Variants in CENPE observed in about 807,000 individuals in gnomAD.
CENPE encodes centromere-associated protein E.
A neutral mutation model predicts 336.1 loss-of-function variants in CENPE; 145 were observed. That is an observed-to-expected ratio of 0.43 (90% CI 0.38 to 0.50). The LOEUF is 0.50. Among genes scored for constraint, CENPE ranks in the 20% least tolerant of loss-of-function variants. The probability of loss-of-function intolerance (pLI) is 0.00; values close to 1 mark genes in which losing one functional copy is unlikely to be tolerated. For missense variants in CENPE, 2,719 were observed against 3,023.3 expected (o/e 0.90, Z 2.36); for synonymous variants, 1,013 against 984.8 (o/e 1.03, Z -0.54).
chr4:103,144,463 A>C lies in CENPE; in HGVS notation c.5013T>G (p.Thr1671=). The C allele has an allele frequency of 6.2e-7, 1 of 1,614,030 alleles. No homozygotes were observed. The highest frequency in any genetic ancestry group is 2.2e-5 in the East Asian group (1 of 44,868). ...CTTCAAGGTTTTCATGTAGTATCTG[A>C]GTCAACCTTATATTCTCCGTTTCTA... The part of the protein sequence containing the change: ...ENIETENIRL[T]QILHENLEEM... The change falls in exon 33 of 49, where the codon ACT becomes ACG. Residue 1671 remains threonine (T), a synonymous_variant. Coordinates refer to ENST00000265148, the MANE Select transcript of CENPE (RefSeq NM_001813.3).
chr4:103,195,254 T>A, intron 4 of CENPE, 21 bp from the exon 5 acceptor site: 1 of 1,561,978 alleles, frequency 6.4e-7, no homozygotes, highest in East Asian at 2.3e-5. Flanking sequence ...AAAAATTATA[T>A]AAAAACACCA....
At chr4:103,125,586 C>T (rs753911319) in intron 42 of CENPE, among the ~76,000 whole-genome samples, 25 of 151,944 alleles carry the variant, frequency 1.6e-4, no homozygotes, top group African/African-American at 2.7e-4. Flanking sequence ...CAGTCCAGGA[C>T]GGGTGCAGTG....
chr4:103,106,882 A>G (rs1378094903), intron 48 of CENPE, among the ~76,000 whole-genome samples: 1 of 152,136 alleles, frequency 6.6e-6, no homozygotes, highest in Non-Finnish European at 1.5e-5. Context: ...TTTTTTAAAG[A>G]CTGGTATTAA....
chr4:103,112,431 T>A, intron 46 of CENPE, among the ~76,000 whole-genome samples: 1 of 139,958 alleles, frequency 7.1e-6, no homozygotes, highest in South Asian at 2.3e-4. Context: ...ACTTATATAC[T>A]TATACATACA....
intron 8 of CENPE, among the ~76,000 whole-genome samples, chr4:103,192,456 G>A (rs1438257668): frequency 2.6e-5 from 4 of 152,156 alleles, no homozygotes; most frequent in African/African-American, 4.8e-5. Context: ...TAGTATATTC[G>A]AAATCCTTAT....
intron 26 of CENPE, among the ~76,000 whole-genome samples, 185 bp from the exon 27 acceptor site, chr4:103,149,593 C>T (rs952993630): frequency 1.3e-5 from 2 of 152,120 alleles, no homozygotes; most frequent in African/African-American, 4.8e-5. Context: ...TTCATGTCTC[C>T]CAGGAACCTC....
At chr4:103,141,253 A>T in intron 35 of CENPE, 149 bp from the exon 36 acceptor site, 1 of 571,836 alleles carries the variant, frequency 1.7e-6, no homozygotes. Context: ...CTTTTGAGGT[A>T]TAATATATAT....
At chr4:103,184,696 TCA>T (rs1182168107) in intron 9 of CENPE, among the ~76,000 whole-genome samples, 1 of 152,212 alleles carries the variant, frequency 6.6e-6, no homozygotes, top group Non-Finnish European at 1.5e-5. Flanking sequence ...GGCTGACAAT[TCA>T]CACAGTTTTA....
intron 34 of CENPE, 70 bp from the exon 35 acceptor site, chr4:103,141,978 T>C: frequency 1.0e-6 from 1 of 971,244 alleles, no homozygotes; most frequent in Non-Finnish European, 1.5e-6. Flanking sequence ...TAAAGTGATA[T>C]ATTTTCTTAG....
chr4:103,161,383 T>C lies in CENPE; in HGVS notation c.1917A>G (p.Arg639=). The change falls in exon 19 of 49, where the codon AGA becomes AGG. Residue 639 remains arginine (R), a synonymous_variant. Coordinates refer to ENST00000265148, the MANE Select transcript of CENPE (RefSeq NM_001813.3). The stretch of plus-strand genomic sequence containing the variant: ...TTTCACTTCTAAGAAAGGCTGATTC[T>C]CTCTTGGCATCAAGGGCTACAGTTT... The part of the protein sequence containing the change: ...DAETVALDAK[R]ESAFLRSENL... 1 of 1,612,442 alleles carries C rather than the reference T, an allele frequency of 6.2e-7. No homozygotes were observed. Among genetic ancestry groups the C allele is most frequent in the Non-Finnish European group, 8.5e-7 (1 of 1,179,238 alleles).
chr4:103,164,652 AATCT>A, intron 16 of CENPE, among the ~76,000 whole-genome samples: 1 of 152,260 alleles, frequency 6.6e-6, no homozygotes, highest in South Asian at 2.1e-4. Context: ...TTCTTCAGGT[AATCT>A]ATCCAACATG....
chr4:103,139,776 ACT>A lies in CENPE; in HGVS notation c.6204+11_6204+12del, dbSNP rs1752379437. On this transcript the variant is annotated intron_variant, in intron 38 of 48. Transcript: ENST00000265148. ...ATTAATAGTTACTACACAAAGGAAG[ACT>A]CTGAACTCACTCTAGCTATCATTTC... 1.3e-6 allele frequency: 2 copies of A among 1,586,894 alleles called. No individual in the cohort carries two copies. Among genetic ancestry groups the A allele is most frequent in the African/African-American group, 1.4e-5 (1 of 73,444 alleles).
At chr4:103,146,186 A>G in intron 29 of CENPE, 79 bp from the exon 30 acceptor site, 2 of 1,332,076 alleles carry the variant, frequency 1.5e-6, no homozygotes, top group Non-Finnish European at 2.1e-6. Flanking sequence ...GATGCTTTCT[A>G]AAACAATTAA....
chr4:103,180,806 T>C lies in CENPE; in HGVS notation c.1084-337A>G, dbSNP rs148812079. Among the ~76,000 whole-genome samples, 113 of 152,284 alleles carry C rather than the reference T, an allele frequency of 7.4e-4. 1 individual carries two copies. In the East Asian group the frequency reaches 0.011, roughly 15 times the overall value. On this transcript the variant is annotated intron_variant, in intron 12 of 48. Coordinates refer to ENST00000265148, the MANE Select transcript of CENPE (RefSeq NM_001813.3). ...AAGACTTGAATTCTGATAGTAAAGA[T>C]AGAGATGTTCTCATAAGATTACCAT...
At chr4:103,176,557 T>G (rs932655838) in intron 14 of CENPE, among the ~76,000 whole-genome samples, 2 of 152,016 alleles carry the variant, frequency 1.3e-5, no homozygotes, top group African/African-American at 4.8e-5. Context: ...TACTTTCTAT[T>G]TATTTATTTA....
intron 47 of CENPE, among the ~76,000 whole-genome samples, chr4:103,109,480 TAA>T: frequency 6.6e-6 from 1 of 152,292 alleles, no homozygotes; most frequent in East Asian, 1.9e-4. Flanking sequence ...TTTCTTACTG[TAA>T]AATAAATATT....
Position 103,195,155 on chromosome 4 carries a change from T to A in CENPE, c.436A>T (p.Thr146Ser), listed in dbSNP as rs199542061. 3.6e-5 allele frequency: 58 copies of A among 1,593,516 alleles called. No individual in the cohort carries two copies. Among genetic ancestry groups the A allele is most frequent in the Non-Finnish European group, 4.9e-5 (57 of 1,173,530 alleles). ...NETITDLLCG[T>S]QKMKPLIIRE... ...ATAATTAAAGGTTTCATTTTTTGAG[T>A]GCCACAGAGTAAATCTGTAATGGTT... The change falls in exon 5 of 49, where the codon ACT (threonine) becomes TCT (serine). Residue 146 changes from threonine to serine, a missense_variant. Physicochemically the swap from Thr to Ser is moderately conservative, Grantham distance 58. This residue lies in a region of CENPE where 106 missense variants were observed against 189.3 expected (regional missense o/e 0.56). Transcript: ENST00000265148.
chr4:103,150,387 G>A (rs1356471611), intron 26 of CENPE, among the ~76,000 whole-genome samples: 2 of 152,146 alleles, frequency 1.3e-5, no homozygotes, highest in Non-Finnish European at 2.9e-5. Context: ...TTTGAGACCA[G>A]CCTGGGCAAC....
chr4:103,119,752 A>G (rs1376016544), intron 44 of CENPE, among the ~76,000 whole-genome samples: 1 of 152,152 alleles, frequency 6.6e-6, no homozygotes, highest in Non-Finnish European at 1.5e-5. Flanking sequence ...CTTCCCCCCA[A>G]AACAGGTCAG....
Sources: gnomAD v4.1 joint callset for allele counts (sites outside exome capture counted in the v4.1 genomes callset) on GRCh38, gnomAD v4.1.1 for gene constraint, gnomAD v4.1.1 regional missense constraint, MANE v1.5 for transcripts, NCBI Gene and HGNC (gene_info 2026-07-23, HGNC 2026-07-21) for gene names.